Variants in LEF1 observed in about 807,000 individuals in gnomAD.
LEF1 encodes the protein lymphoid enhancer-binding factor 1.
A neutral mutation model predicts 51.2 loss-of-function variants in LEF1; 14 were observed. The ratio of observed to expected loss-of-function variants is 0.27; its 90% confidence interval spans 0.18 to 0.43. The LOEUF (loss-of-function observed/expected upper bound fraction) is 0.43, where lower values mean the gene tolerates loss of function less well. LEF1 is among the 20% of genes least tolerant of loss of function. The pLI, the probability that LEF1 is intolerant of heterozygous loss-of-function variation, is 1.00. For missense variants in LEF1, 386 were observed against 512.0 expected, an observed-to-expected ratio of 0.75 and a Z score of 2.37; for synonymous variants, 185 against 183.2, an observed-to-expected ratio of 1.01 and a Z score of -0.08.
At chr4:108,062,761 G>A (rs1198256871) in intron 11 of LEF1, among the ~76,000 whole-genome samples, 1 of 152,140 alleles carries the variant, frequency 6.6e-6, no homozygotes, top group Non-Finnish European at 1.5e-5. Context: ...CTATGGCAGT[G>A]GTAAGTGTGA....
intron 3 of LEF1, among the ~76,000 whole-genome samples, chr4:108,154,720 A>C (rs1407937752): frequency 6.6e-6 from 1 of 152,142 alleles, no homozygotes; most frequent in East Asian, 1.9e-4. Flanking sequence ...AGATTTCAGC[A>C]CCTTTTTCCC....
intron 3 of LEF1, among the ~76,000 whole-genome samples, chr4:108,121,124 T>C (rs978724136): frequency 6.6e-6 from 1 of 152,224 alleles, no homozygotes; most frequent in Non-Finnish European, 1.5e-5. Flanking sequence ...CTTAAGGGCC[T>C]AGGTTTAACA....
rs200760366 is a variant in LEF1 at position 108,117,244 on chromosome 4, A to AT, written c.415-27988dup. The stretch of plus-strand genomic sequence containing the variant: ...CTCCATTATACCTTCACATATAAAC[A>AT]TTTTTTAAAAAAAACCCTGATATTA... On this transcript the variant is annotated intron_variant, in intron 3 of 11. Coordinates refer to ENST00000265165, the MANE Select transcript of LEF1 (RefSeq NM_016269.5). 1.2e-4 allele frequency among the ~76,000 whole-genome samples: 18 copies of AT among 152,148 alleles called. No individual in the cohort carries two copies. In the East Asian group the frequency reaches 2.1e-3, roughly 18 times the overall value.
At chr4:108,049,781 A>G (rs552829739) in intron 11 of LEF1, among the ~76,000 whole-genome samples, 1 of 152,342 alleles carries the variant, frequency 6.6e-6, no homozygotes, top group East Asian at 1.9e-4. Flanking sequence ...TGGAAAAAGA[A>G]AGTAAAAGAG....
chr4:108,068,066 G>A (rs6851584), intron 9 of LEF1, among the ~76,000 whole-genome samples: 126,023 of 151,402 alleles, frequency 0.83, 53,719 homozygotes, highest in East Asian at 0.96. Context: ...TCAGGAGTTC[G>A]AGACCAGCCT....
rs914916704 is a variant in LEF1 at position 108,092,928 on chromosome 4, A to C, written c.415-3671T>G. ...AAACAATGAATATGTAAAAAAAAAAAAAAAAAAAAAAAAAAAAAAAAGACA... is the reference window on the plus strand; with the variant it reads ...AAACAATGAATATGTAAAAAAAAAACAAAAAAAAAAAAAAAAAAAAAGACA... On this transcript the variant is annotated intron_variant, in intron 3 of 11. Coordinates refer to ENST00000265165, the MANE Select transcript of LEF1 (RefSeq NM_016269.5). Among the ~76,000 whole-genome samples the C allele has an allele frequency of 6.1e-4, 85 of 138,446 alleles. 2 individuals are homozygous for C. The East Asian group carries it at 0.015, about 25-fold the overall frequency. The allele number at this position is 138,446 out of a possible 152,430, so 90.8% of individuals were successfully genotyped here.
chr4:108,133,544 T>C (rs1199221879), intron 3 of LEF1, among the ~76,000 whole-genome samples: 1 of 152,132 alleles, frequency 6.6e-6, no homozygotes, highest in Admixed American at 6.5e-5. Flanking sequence ...ACTAAAACTA[T>C]GTCCTTTAAA....
intron 3 of LEF1, among the ~76,000 whole-genome samples, chr4:108,139,064 T>C (rs1307768470): frequency 1.3e-5 from 2 of 152,324 alleles, no homozygotes; most frequent in South Asian, 2.1e-4. Flanking sequence ...TTCCCTGCCA[T>C]GGTATAATTG....
rs181427520 is a variant in LEF1 at position 108,077,674 on chromosome 4, G to A, written c.1008+546C>T. 6.2e-5 allele frequency among the ~76,000 whole-genome samples: 9 copies of A among 145,408 alleles called. No individual in the cohort carries two copies. The East Asian group carries it at 1.3e-3, about 20-fold the overall frequency. On this transcript the variant is annotated intron_variant, in intron 8 of 11. Transcript: ENST00000265165. ...CCGCCCCGTCTGGGAAGTGAGGGGC[G>A]CTTCTGCGCAGCTGCCGCCCCATCT...
At chr4:108,067,755 C>T (rs927030951) in intron 9 of LEF1, among the ~76,000 whole-genome samples, 10 of 151,890 alleles carry the variant, frequency 6.6e-5, no homozygotes, top group Non-Finnish European at 1.3e-4. Context: ...GTCTCGAATG[C>T]CTGACCTCAA....
chr4:108,093,243 C>A (rs907798262), intron 3 of LEF1, among the ~76,000 whole-genome samples: 12 of 152,092 alleles, frequency 7.9e-5, no homozygotes, highest in African/African-American at 2.7e-4. Flanking sequence ...TGGGAATGAA[C>A]CCCCTGGGCT....
At chr4:108,117,672 G>A (rs1249703396) in intron 3 of LEF1, among the ~76,000 whole-genome samples, 1 of 152,160 alleles carries the variant, frequency 6.6e-6, no homozygotes, top group East Asian at 1.9e-4. Context: ...TTGATCAAAC[G>A]ACCTCCTGCT....
intron 3 of LEF1, among the ~76,000 whole-genome samples, chr4:108,152,213 G>T (rs1744397332): frequency 1.3e-5 from 2 of 152,176 alleles, no homozygotes. Flanking sequence ...GACCCTGCTG[G>T]CAGGGAATAG....
chr4:108,093,525 A>C (rs1172734277), intron 3 of LEF1, among the ~76,000 whole-genome samples: 1 of 152,092 alleles, frequency 6.6e-6, no homozygotes, highest in African/African-American at 2.4e-5. Flanking sequence ...GCTCTGTTTC[A>C]TTATCCCAGG....
At chr4:108,078,434 AG>A in intron 7 of LEF1, 52 bp from the exon 8 acceptor site, 1 of 1,611,202 alleles carries the variant, frequency 6.2e-7, no homozygotes, top group Non-Finnish European at 8.5e-7. Context: ...GGAATGAGGA[AG>A]GGATGGGGGA....
At chr4:108,161,370 A>C (rs1383289980) in intron 3 of LEF1, among the ~76,000 whole-genome samples, 1 of 152,234 alleles carries the variant, frequency 6.6e-6, no homozygotes, top group African/African-American at 2.4e-5. Flanking sequence ...AATATTTAAC[A>C]GAATAAAGCA....
At chr4:108,128,453 A>T (rs377128636) in intron 3 of LEF1, among the ~76,000 whole-genome samples, 2 of 152,190 alleles carry the variant, frequency 1.3e-5, no homozygotes, top group African/African-American at 4.8e-5. Context: ...AGTCACTGGC[A>T]GAAAAACAAG....
intron 9 of LEF1, among the ~76,000 whole-genome samples, chr4:108,065,318 C>T (rs974429047): frequency 1.3e-5 from 2 of 152,140 alleles, no homozygotes; most frequent in African/African-American, 4.8e-5. Context: ...AACCCTGTCT[C>T]TACTAAAGAT....
At chr4:108,133,136 G>C (rs1360017812) in intron 3 of LEF1, among the ~76,000 whole-genome samples, 1 of 151,982 alleles carries the variant, frequency 6.6e-6, no homozygotes, top group African/African-American at 2.4e-5. Context: ...ACCATGCCTG[G>C]CTAATTTTTG....
Sources: allele counts gnomAD v4.1 joint callset (sites outside exome capture counted in the v4.1 genomes callset), GRCh38; gene constraint gnomAD v4.1.1; transcripts MANE v1.5; gene names NCBI Gene and HGNC (gene_info 2026-07-23, HGNC 2026-07-21).